Variants in GPR107 observed in about 807,000 individuals in gnomAD.
GPR107 encodes the protein protein GPR107.
A neutral mutation model predicts 75.5 loss-of-function variants in GPR107; 31 were observed. That is an observed-to-expected ratio of 0.41 (90% CI 0.31 to 0.55). The LOEUF is 0.55. GPR107 is among the 20% of genes least tolerant of loss of function. The pLI is 0.26. For synonymous variants in GPR107, 267 were observed against 251.3 expected, an observed-to-expected ratio of 1.06 and a Z score of -0.59; for missense variants, 572 against 665.7, an observed-to-expected ratio of 0.86 and a Z score of 1.55.
intron 10 of GPR107, among the ~76,000 whole-genome samples, chr9:130,100,022 G>A (rs1589511889): frequency 6.6e-6 from 1 of 151,408 alleles, no homozygotes; most frequent in Non-Finnish European, 1.5e-5. Context: ...AGTCTCCCGA[G>A]TAGCTGGGAC....
chr9:130,127,184 T>A (rs1185708509), intron 15 of GPR107, among the ~76,000 whole-genome samples: 9 of 152,190 alleles, frequency 5.9e-5, no homozygotes, highest in Admixed American at 5.9e-4. Context: ...CAAGGGCTTA[T>A]GTCTGTGGAT....
Position 130,096,147 on chromosome 9 carries a change from C to A in GPR107, c.864-3310C>A, listed in dbSNP as rs570887867. On this transcript the variant is annotated intron_variant, in intron 9 of 17. Transcript: ENST00000347136. ...GATATTCTAACCATGGACTGCAAGT[C>A]AAGGTTGCCAGAGTGTGAATGAGCA... Among the ~76,000 whole-genome samples, 430 of 152,300 alleles carry A rather than the reference C, an allele frequency of 2.8e-3. 6 individuals are homozygous for A. Among genetic ancestry groups the A allele is most frequent in the African/African-American group, 9.9e-3 (412 of 41,576 alleles).
At chr9:130,063,221 C>T (rs1042145505) in intron 1 of GPR107, among the ~76,000 whole-genome samples, 5 of 151,372 alleles carry the variant, frequency 3.3e-5, no homozygotes, top group East Asian at 1.9e-4. Context: ...GACGGAGTCT[C>T]GCTCTGTCGC....
chr9:130,107,196 G>A (rs1227818272), intron 13 of GPR107, among the ~76,000 whole-genome samples: 1 of 152,170 alleles, frequency 6.6e-6, no homozygotes, highest in Non-Finnish European at 1.5e-5. Flanking sequence ...GTAGGGGGTG[G>A]TTGTGGGAGT....
At chr9:130,089,593 G>A (rs1830686238) in intron 7 of GPR107, among the ~76,000 whole-genome samples, 1 of 151,914 alleles carries the variant, frequency 6.6e-6, no homozygotes, top group African/African-American at 2.4e-5. Context: ...TTTCTCTAAG[G>A]GTCAGATGCC....
At chr9:130,109,217 C>T (rs1831235584) in intron 14 of GPR107, among the ~76,000 whole-genome samples, 1 of 152,048 alleles carries the variant, frequency 6.6e-6, no homozygotes, top group African/African-American at 2.4e-5. Flanking sequence ...GTCACCCAAG[C>T]TAGAATGCAG....
rs1832019483 is a variant in GPR107, at chr9:130,138,565, C to G, written c.*3444C>G. On this transcript the variant is annotated 3_prime_UTR_variant, in exon 18 of 18. Transcript: ENST00000347136. ...CTTCCCTCCTCCTCCCTCCTCTTCC[C>G]TTCTCTGCCATCTTTCTCCCCGTGC... The G allele has an allele frequency of 6.6e-6, 1 of 151,380 alleles. No individual in the cohort carries two copies. The highest frequency in any genetic ancestry group is 2.1e-4 in the South Asian group (1 of 4,736). 9.4% of individuals were successfully genotyped at this position (151,380 alleles called of 1,614,324 possible). A position where few individuals can be genotyped will look rare whatever the true frequency, so the allele number is the denominator to read the frequency against.
intron 5 of GPR107, 96 bp from the exon 6 acceptor site, chr9:130,083,469 A>T: frequency 1.6e-6 from 1 of 637,578 alleles, no homozygotes; most frequent in Non-Finnish European, 2.5e-6. Context: ...ATTTGATATT[A>T]GACAAGCTGA....
Position 130,137,492 on chromosome 9 carries a change from C to G in GPR107, c.*2371C>G, listed in dbSNP as rs1831988566. ...ACAGCCTTCCTAACAAGCAGGTCAT[C>G]TGGCCATGTCTGTATTGTAACTGGT... is the stretch of plus-strand genomic sequence containing the variant. On this transcript the variant is annotated 3_prime_UTR_variant, in exon 18 of 18. Coordinates refer to ENST00000347136, the MANE Select transcript of GPR107 (RefSeq NM_020960.5). The G allele has an allele frequency of 1.3e-5, 2 of 152,292 alleles. No homozygotes were observed. The highest frequency in any genetic ancestry group is 4.8e-5 in the African/African-American group (2 of 41,464). The allele number at this position is 152,292 out of a possible 1,614,324, so 9.4% of individuals were successfully genotyped here.
Position 130,128,651 on chromosome 9 carries a change from A to C in GPR107, c.1452A>C (p.Glu484Asp). The C allele has an allele frequency of 1.2e-6, 2 of 1,612,146 alleles. No individual in the cohort carries two copies. The highest frequency in any genetic ancestry group is 3.3e-5 in the Admixed American group (2 of 60,008). Reference sequence around the variant, plus strand: ...TTTTAAACTTGCAGCTCCTGGATGAAACGGCCACACTGGTCTTCTTTGTTC... The same window carrying C: ...TTTTAAACTTGCAGCTCCTGGATGACACGGCCACACTGGTCTTCTTTGTTC... ...QWKWLYQLLD[E>D]TATLVFFVLT... is the part of the protein sequence containing the mutation. The change falls in exon 17 of 18, where the codon GAA becomes GAC. Residue 484 changes from glutamate to aspartate, a missense_variant. By Grantham distance (45) the Glu-to-Asp change is conservative. Transcript: ENST00000347136.
intron 14 of GPR107, chr9:130,110,295 G>A: frequency 5.8e-6 from 5 of 859,928 alleles, no homozygotes. Flanking sequence ...CTGTAGTAAA[G>A]GGTAACTTCC....
intron 14 of GPR107, chr9:130,108,909 G>T: frequency 2.7e-6 from 1 of 377,108 alleles, no homozygotes; most frequent in South Asian, 2.0e-5. Context: ...GCCTTTCTTG[G>T]AGCCCAGTAA....
intron 1 of GPR107, among the ~76,000 whole-genome samples, chr9:130,071,927 C>T (rs1270322497): frequency 1.4e-5 from 2 of 147,272 alleles, no homozygotes; most frequent in South Asian, 2.2e-4. Context: ...TCAGGTGATC[C>T]GTCCGCCGCG....
chr9:130,113,392 C>T (rs1026008357), intron 14 of GPR107, among the ~76,000 whole-genome samples: 5 of 151,776 alleles, frequency 3.3e-5, no homozygotes, highest in African/African-American at 9.7e-5. Flanking sequence ...CCACCATGCC[C>T]GGCTAATTCT....
chr9:130,097,009 C>T (rs1830890129), intron 9 of GPR107, among the ~76,000 whole-genome samples: 1 of 152,144 alleles, frequency 6.6e-6, no homozygotes, highest in Non-Finnish European at 1.5e-5. Flanking sequence ...GCCTGGACTG[C>T]CTACATCTCC....
chr9:130,105,117 T>C (rs1831128476), intron 13 of GPR107, among the ~76,000 whole-genome samples: 1 of 152,186 alleles, frequency 6.6e-6, no homozygotes, highest in Non-Finnish European at 1.5e-5. Flanking sequence ...TGCAGAGTGG[T>C]AGAAATTCAG....
intron 14 of GPR107, among the ~76,000 whole-genome samples, chr9:130,119,705 TC>T (rs1300718527): frequency 1.3e-5 from 2 of 152,168 alleles, no homozygotes; most frequent in African/African-American, 2.4e-5. Flanking sequence ...TGACTGGAGC[TC>T]CAGTGTAGGG....
intron 1 of GPR107, among the ~76,000 whole-genome samples, chr9:130,059,259 A>T (rs1017141411): frequency 6.6e-6 from 1 of 152,182 alleles, no homozygotes; most frequent in Non-Finnish European, 1.5e-5. Flanking sequence ...AGGCCAAGGC[A>T]GGTGGATCAC....
At chr9:130,132,617 T>C (rs2132660883) in intron 17 of GPR107, among the ~76,000 whole-genome samples, 2 of 152,132 alleles carry the variant, frequency 1.3e-5, no homozygotes, top group African/African-American at 4.8e-5. Flanking sequence ...TGAAACCACA[T>C]CTCTACCAAA....
Sources: gnomAD v4.1 joint callset for allele counts (sites outside exome capture counted in the v4.1 genomes callset) on GRCh38, gnomAD v4.1.1 for gene constraint, MANE v1.5 for transcripts, NCBI Gene and HGNC (gene_info 2026-07-23, HGNC 2026-07-21) for gene names.